HEMK2: variants seen among roughly 807,000 people sequenced by gnomAD.
The protein encoded by HEMK2 is HemK methyltransferase 2, ETF1 glutamine and histone H4 lysine, also known as methyltransferase HEMK2.
the HEMK2 span, among the ~76,000 whole-genome samples, chr21:28,700,611 CT>C: frequency 6.6e-6 from 1 of 152,146 alleles, no homozygotes; most frequent in Non-Finnish European, 1.5e-5. Context: ...AACTGAATCT[CT>C]GAACACACCA....
At chr21:28,805,656 A>G in the HEMK2 span, among the ~76,000 whole-genome samples, 8 of 152,046 alleles carry the variant, frequency 5.3e-5, no homozygotes, top group African/African-American at 1.9e-4. Flanking sequence ...ACATTGTTTT[A>G]TTTAAAAGCT....
the HEMK2 span, among the ~76,000 whole-genome samples, chr21:28,724,468 G>C: frequency 2.0e-5 from 3 of 152,290 alleles, no homozygotes; most frequent in South Asian, 4.1e-4. Flanking sequence ...TGAAAGCTAA[G>C]GGGGAAAACC....
the HEMK2 span, among the ~76,000 whole-genome samples, chr21:28,784,006 G>A: frequency 0.2 from 30,104 of 152,082 alleles, 3,304 homozygotes; most frequent in East Asian, 0.4. Flanking sequence ...GGCAGGGCTC[G>A]GGAACTGTTG....
chr21:28,578,849 T>C, the HEMK2 span, among the ~76,000 whole-genome samples: 1 of 152,314 alleles, frequency 6.6e-6, no homozygotes, highest in Non-Finnish European at 1.5e-5. Flanking sequence ...TTTAGCCACA[T>C]AACTAATAAA....
At chr21:28,716,273 T>G in the HEMK2 span, among the ~76,000 whole-genome samples, 17 of 152,294 alleles carry the variant, frequency 1.1e-4, no homozygotes, top group African/African-American at 3.8e-4. Context: ...CCTAGAATGT[T>G]TTGTTACTTG....
the HEMK2 span, among the ~76,000 whole-genome samples, chr21:28,659,007 G>C: frequency 6.6e-6 from 1 of 152,056 alleles, no homozygotes; most frequent in Non-Finnish European, 1.5e-5. Flanking sequence ...AACATTTGCT[G>C]CATGTAACCA....
the HEMK2 span, among the ~76,000 whole-genome samples, chr21:28,731,787 A>G: frequency 1.3e-5 from 2 of 148,534 alleles, no homozygotes; most frequent in African/African-American, 2.5e-5. Flanking sequence ...AGAAATGAGC[A>G]GTCCCTTCAT....
chr21:28,633,130 T>C, the HEMK2 span, among the ~76,000 whole-genome samples: 10 of 152,150 alleles, frequency 6.6e-5, no homozygotes, highest in East Asian at 1.9e-4. Context: ...CTGACATCAC[T>C]ATAGAAGGAG....
the HEMK2 span, among the ~76,000 whole-genome samples, chr21:28,764,405 G>A: frequency 6.6e-6 from 1 of 151,914 alleles, no homozygotes; most frequent in South Asian, 2.1e-4. Flanking sequence ...TTTCCACAGA[G>A]GCCCAAAAAA....
the HEMK2 span, among the ~76,000 whole-genome samples, chr21:28,862,900 T>C: frequency 6.6e-6 from 1 of 152,232 alleles, no homozygotes; most frequent in Non-Finnish European, 1.5e-5. Context: ...GGTGCGTTTC[T>C]GGTTGTACGA....
At chr21:28,802,187 C>T in the HEMK2 span, among the ~76,000 whole-genome samples, 1 of 152,086 alleles carries the variant, frequency 6.6e-6, no homozygotes, top group African/African-American at 2.4e-5. Flanking sequence ...ACTTTCTATA[C>T]AGCTTGTAAA....
the HEMK2 span, among the ~76,000 whole-genome samples, chr21:28,692,737 C>G: frequency 6.6e-6 from 1 of 151,834 alleles, no homozygotes; most frequent in South Asian, 2.1e-4. Flanking sequence ...TCATGATAAC[C>G]AAAAAGTTCA....
chr21:28,612,042 G>A, the HEMK2 span, among the ~76,000 whole-genome samples: 1 of 151,366 alleles, frequency 6.6e-6, no homozygotes, highest in Non-Finnish European at 1.5e-5. Context: ...CCAAAAGATA[G>A]TGATAGAGGG....
At chr21:28,703,688 A>G in the HEMK2 span, among the ~76,000 whole-genome samples, 3 of 152,190 alleles carry the variant, frequency 2.0e-5, no homozygotes, top group East Asian at 3.8e-4. Flanking sequence ...TCCCTGTGGT[A>G]GCTGTTACTG....
the HEMK2 span, among the ~76,000 whole-genome samples, chr21:28,881,081 A>T: frequency 2.0e-5 from 3 of 152,208 alleles, no homozygotes; most frequent in African/African-American, 2.4e-5. Flanking sequence ...TATTTGACAT[A>T]TATAAATTAA....
the HEMK2 span, among the ~76,000 whole-genome samples, chr21:28,654,740 C>T: frequency 6.6e-6 from 1 of 151,986 alleles, no homozygotes; most frequent in African/African-American, 2.4e-5. Flanking sequence ...CATAAAGCAC[C>T]CAATTTTAGA....
At chr21:28,883,130 C>T in the HEMK2 span, 1 of 1,189,410 alleles carries the variant, frequency 8.4e-7, no homozygotes, top group Non-Finnish European at 1.2e-6. Flanking sequence ...TCACAGAAAA[C>T]TCTCATGCTA....
chr21:28,876,638 G>A, the HEMK2 span: 36 of 512,618 alleles, frequency 7.0e-5, no homozygotes, highest in Non-Finnish European at 1.2e-4. Context: ...CTACTAAAGT[G>A]AACTTGGTCT....
the HEMK2 span, among the ~76,000 whole-genome samples, chr21:28,806,719 C>T: frequency 3.9e-5 from 6 of 152,130 alleles, no homozygotes; most frequent in Non-Finnish European, 5.9e-5. Context: ...GAAGAGACAT[C>T]CAGGGAGAAG....
Sources: allele counts gnomAD v4.1 joint callset (sites outside exome capture counted in the v4.1 genomes callset), GRCh38; gene constraint gnomAD v4.1.1; transcripts MANE v1.5; gene names NCBI Gene and HGNC (gene_info 2026-07-23, HGNC 2026-07-21).